The following ZNF99 variants were observed in gnomAD, a reference collection of about 807,000 sequenced individuals.
The protein encoded by ZNF99 is zinc finger protein 99.
In ZNF99, 8 loss-of-function variants were observed where a neutral mutation model predicts 12.8. That is an observed-to-expected ratio of 0.62 (90% confidence interval 0.37 to 1.13). The LOEUF (loss-of-function observed/expected upper bound fraction) is 1.13, where lower values mean the gene tolerates loss of function less well. ZNF99 is among the 50% of genes most tolerant of loss of function. The pLI is 0.02. For synonymous variants in ZNF99, 318 were observed against 319.0 expected, an observed-to-expected ratio of 1.00 and a Z score of 0.03; for missense variants, 1,007 against 1,006.2, an observed-to-expected ratio of 1.00 and a Z score of -0.01.
Position 22,757,711 on chromosome 19 carries a change from T to C in ZNF99, c.2198A>G (p.Tyr733Cys), listed in dbSNP as rs773786823. 4.3e-6 allele frequency: 7 copies of C among 1,612,222 alleles called. No homozygotes were observed. Among genetic ancestry groups the C allele is most frequent in the Non-Finnish European group, 5.9e-6 (7 of 1,179,680 alleles). ...HEIIHTGEKP[Y>C]KCEECGKAFK... Reference sequence around the variant, plus strand: ...AGCTTTACCACATTCTTCACATTTGTAGGGTTTCTCTCCAGTATGAATTAT... The same window carrying C: ...AGCTTTACCACATTCTTCACATTTGCAGGGTTTCTCTCCAGTATGAATTAT... The change falls in exon 4 of 4, where the codon TAC becomes TGC. Residue 733 changes from tyrosine (Y) to cysteine (C), a missense_variant. Transcript: ENST00000596209.
intron 1 of ZNF99, among the ~76,000 whole-genome samples, 179 bp downstream of exon 1, chr19:22,783,835 C>T (rs1458602492): frequency 2.0e-5 from 3 of 152,130 alleles, no homozygotes; most frequent in African/African-American, 7.2e-5. Context: ...CGCCCGGGGT[C>T]CCGCAGTCAG....
At position 22,753,848 on chromosome 19, in the gene ZNF99, T is replaced by C; in HGVS notation, c.*3466A>G. 3.3e-6 allele frequency: 1 copy of C among 304,494 alleles called. No individual in the cohort carries two copies. The highest frequency in any genetic ancestry group is 6.6e-6 in the Non-Finnish European group (1 of 152,650). 18.9% of individuals were successfully genotyped at this position (304,494 alleles called of 1,614,324 possible). A position where few individuals can be genotyped will look rare whatever the true frequency, so the allele number is the denominator to read the frequency against. On this transcript the variant is annotated 3_prime_UTR_variant, in exon 4 of 4. Coordinates refer to ENST00000596209, the MANE Select transcript of ZNF99 (RefSeq NM_001080409.3). ...AAGGTGTGAGTATTGGTTAAATATTTTGCCACATTCTTCATAGTTTTCTCT... is the reference window on the plus strand; with the variant it reads ...AAGGTGTGAGTATTGGTTAAATATTCTGCCACATTCTTCATAGTTTTCTCT...
rs55909036 is a variant in ZNF99, at chr19:22,756,682, C to A, written c.*632G>T. ...CATAAGGGTCGAGAAATTGTTAAAA[C>A]CTTTGCCACATTCTTCACATTTGTA... is the stretch of plus-strand genomic sequence containing the variant. On this transcript the variant is annotated 3_prime_UTR_variant, in exon 4 of 4. Transcript: ENST00000596209. 9.3e-6 allele frequency: 13 copies of A among 1,404,048 alleles called. No homozygotes were observed. Among genetic ancestry groups the A allele is most frequent in the Non-Finnish European group, 1.1e-5 (12 of 1,048,534 alleles). 87.0% of individuals were successfully genotyped at this position (1,404,048 alleles called of 1,614,324 possible).
chr19:22,758,496 A>G lies in ZNF99; in HGVS notation c.1413T>C (p.His471=), dbSNP rs1292590601. The G allele has an allele frequency of 1.2e-6, 2 of 1,610,684 alleles. No homozygotes were observed. The highest frequency in any genetic ancestry group is 1.7e-6 in the Non-Finnish European group (2 of 1,177,612). Residue 471 remains histidine (H), a synonymous_variant, in exon 4 of 4, where the codon CAT becomes CAC. Transcript: ENST00000596209. ...GTTTCTCTCCAGTATGAATTATCTCATGTTTTCTAAGGGCTGAAAAATTGC... is the reference window on the plus strand; with the variant it reads ...GTTTCTCTCCAGTATGAATTATCTCGTGTTTTCTAAGGGCTGAAAAATTGC... ...AFSNFSALRK[H]EIIHTGEKPY...
At position 22,778,721 on chromosome 19, in the gene ZNF99, G is replaced by A. The variant is rs551190491; in HGVS notation, c.3+5293C>T. On this transcript the variant is annotated intron_variant, in intron 1 of 3. Transcript: ENST00000596209. Reference sequence around the variant, plus strand: ...TGTATAGGACAAAGAAAAGATGTGGGGAGGCTGAGCACGGTGGCTCACACC... The same window carrying A: ...TGTATAGGACAAAGAAAAGATGTGGAGAGGCTGAGCACGGTGGCTCACACC... 4.6e-5 allele frequency among the ~76,000 whole-genome samples: 7 copies of A among 152,242 alleles called. No homozygotes were observed. The South Asian group carries it at 1.5e-3, about 32-fold the overall frequency.
rs1303177262 is a variant in ZNF99, at chr19:22,756,279, C to T, written c.*1035G>A. ...AGATGGTTAAAAGCTTTGCCACATT[C>T]TTCACATTTGTAGGTTTTCCCTCCA... On this transcript the variant is annotated 3_prime_UTR_variant, in exon 4 of 4. Coordinates refer to ENST00000596209, the MANE Select transcript of ZNF99 (RefSeq NM_001080409.3). The T allele has an allele frequency of 6.4e-7, 1 of 1,568,306 alleles. No individual in the cohort carries two copies. The highest frequency in any genetic ancestry group is 1.7e-5 in the Admixed American group (1 of 57,832).
chr19:22,762,232 G>A (rs1973158203), intron 3 of ZNF99, among the ~76,000 whole-genome samples: 1 of 151,998 alleles, frequency 6.6e-6, no homozygotes, highest in Non-Finnish European at 1.5e-5. Context: ...AAATACAATT[G>A]ATAGACCATT....
intron 1 of ZNF99, among the ~76,000 whole-genome samples, chr19:22,779,266 G>T (rs992325802): frequency 6.6e-6 from 1 of 151,684 alleles, no homozygotes; most frequent in Non-Finnish European, 1.5e-5. Context: ...TAGCTCATGC[G>T]TGTAATCCTA....
At chr19:22,768,600 G>A (rs1379397030) in intron 2 of ZNF99, among the ~76,000 whole-genome samples, 200 bp from the exon 3 acceptor site, 1 of 151,992 alleles carries the variant, frequency 6.6e-6, no homozygotes, top group Non-Finnish European at 1.5e-5. Flanking sequence ...ATCAAATATT[G>A]GTGGTGGCAA....
Position 22,756,057 on chromosome 19 carries a change from G to A in ZNF99, c.*1257C>T, listed in dbSNP as rs1599438451. 1.6e-6 allele frequency: 2 copies of A among 1,285,704 alleles called. No individual in the cohort carries two copies. Among genetic ancestry groups the A allele is most frequent in the South Asian group, 1.2e-5 (1 of 80,480 alleles). 79.6% of individuals were successfully genotyped at this position (1,285,704 alleles called of 1,614,324 possible). A position where few individuals can be genotyped will look rare whatever the true frequency, so the allele number is the denominator to read the frequency against. ...CATTTGTGGGGTTTCTCTCCAGCAT[G>A]AATTGTTTTCTGCCTATTAAGGCTT... On this transcript the variant is annotated 3_prime_UTR_variant, in exon 4 of 4. Transcript: ENST00000596209.
chr19:22,766,655 C>CT lies in ZNF99; in HGVS notation c.226+1649dup, dbSNP rs753101168. Among the ~76,000 whole-genome samples the CT allele has an allele frequency of 5.4e-3, 745 of 138,936 alleles. 7 individuals are homozygous for CT. The highest frequency in any genetic ancestry group is 0.016 in the African/African-American group (591 of 37,894). The allele number at this position is 138,936 out of a possible 152,430, so 91.1% of individuals were successfully genotyped here. ...CCCGGCATAACTTTATTTCTTATTT[C>CT]TTTTTTTTTTTTTGAGTCGGAGTTT... On this transcript the variant is annotated intron_variant, in intron 3 of 3. Transcript: ENST00000596209.
chr19:22,778,340 T>C (rs944947113), intron 1 of ZNF99, among the ~76,000 whole-genome samples: 8 of 151,968 alleles, frequency 5.3e-5, no homozygotes, highest in African/African-American at 1.7e-4. Flanking sequence ...CTCTGTGATA[T>C]CTCTCAGCTG....
In ZNF99 at chr19:22,764,817, AAAAT is replaced by A. The variant is rs796964934; in HGVS notation, c.226+3484_226+3487del. On this transcript the variant is annotated intron_variant, in intron 3 of 3. Coordinates refer to ENST00000596209, the MANE Select transcript of ZNF99 (RefSeq NM_001080409.3). ...ACTCATGCAAGAATGGCCATAATAA[AAAAT>A]AAATAAATAAAAAAACAGATGTTGG... is the stretch of plus-strand genomic sequence containing the variant. Among the ~76,000 whole-genome samples the A allele has an allele frequency of 4.3e-3, 660 of 152,306 alleles. 7 individuals carry two copies. The highest frequency in any genetic ancestry group is 0.015 in the African/African-American group (630 of 41,554).
Position 22,759,347 on chromosome 19 carries a change from A to G in ZNF99, c.562T>C (p.Leu188=). The G allele has an allele frequency of 6.5e-7, 1 of 1,550,200 alleles. No homozygotes were observed. Residue 188 remains leucine, a synonymous_variant, in exon 4 of 4, where the codon TTA becomes CTA. Coordinates refer to ENST00000596209, the MANE Select transcript of ZNF99 (RefSeq NM_001080409.3). Reference sequence around the variant, plus strand: ...GTATGAATTCTCTTATGTTGAATTAAGTGTGAAAGCATGAAAAATGATTTG... The same window carrying G: ...GTATGAATTCTCTTATGTTGAATTAGGTGTGAAAGCATGAAAAATGATTTG... The part of the protein sequence containing the change: ...CSKSFFMLSH[L]IQHKRIHTRE...
intron 3 of ZNF99, among the ~76,000 whole-genome samples, chr19:22,760,302 A>G (rs1973135926): frequency 6.6e-6 from 1 of 152,152 alleles, no homozygotes; most frequent in Non-Finnish European, 1.5e-5. Flanking sequence ...CAAAACAAAA[A>G]AAGTAAATTG....
Position 22,757,043 on chromosome 19 carries a change from G to A in ZNF99, c.*271C>T, listed in dbSNP as rs766645504. On this transcript the variant is annotated 3_prime_UTR_variant, in exon 4 of 4. Transcript: ENST00000596209. ...TTTGCCACATTCTTCACATTTGTAC[G>A]ATTTCTCCCTAGTATGAATTAGCTT... 2.0e-5 allele frequency: 33 copies of A among 1,612,796 alleles called. 1 individual carries two copies. The highest frequency in any genetic ancestry group is 1.3e-4 in the East Asian group (6 of 44,824).
At chr19:22,783,036 C>T (rs55762537) in intron 1 of ZNF99, among the ~76,000 whole-genome samples, 53,460 of 151,840 alleles carry the variant, frequency 0.35, 9,947 homozygotes, top group African/African-American at 0.5. Context: ...TCCCAGCACT[C>T]TGGGAGGCGG....
At chr19:22,766,159 AT>A (rs1472600917) in intron 3 of ZNF99, among the ~76,000 whole-genome samples, 1 of 151,462 alleles carries the variant, frequency 6.6e-6, no homozygotes, top group African/African-American at 2.4e-5. Flanking sequence ...CATAATGTCC[AT>A]TTTTCAACAT....
chr19:22,777,991 C>T (rs8099858), intron 1 of ZNF99, among the ~76,000 whole-genome samples: 1 of 119,924 alleles, frequency 8.3e-6, no homozygotes, highest in African/African-American at 3.4e-5. Flanking sequence ...GGGTGGGGAA[C>T]ATCACACACC....
Sources: allele counts gnomAD v4.1 joint callset (sites outside exome capture counted in the v4.1 genomes callset), GRCh38; gene constraint gnomAD v4.1.1; transcripts MANE v1.5; gene names NCBI Gene and HGNC (gene_info 2026-07-23, HGNC 2026-07-21).